Variants in FAT3 observed in about 807,000 individuals in gnomAD.
FAT3 encodes the protein FAT atypical cadherin 3.
A neutral mutation model predicts 310.2 loss-of-function variants in FAT3; 95 were observed. The ratio of observed to expected loss-of-function variants is 0.31; its 90% CI spans 0.26 to 0.36. The LOEUF (loss-of-function observed/expected upper bound fraction) is 0.36, where lower values mean the gene tolerates loss of function less well. Among genes scored for constraint, FAT3 ranks in the 10% least tolerant of loss-of-function variants. The probability of loss-of-function intolerance (pLI) is 1.00; values close to 1 mark genes in which losing one functional copy is unlikely to be tolerated. For synonymous variants in FAT3, 2,314 were observed against 2,192.9 expected (o/e 1.06, Z -1.54); for missense variants, 5,408 against 5,715.6 (o/e 0.95, Z 1.74).
Position 92,353,495 on chromosome 11 carries a change from C to T in FAT3, c.1383C>T (p.Ser461=). The T allele has an allele frequency of 6.2e-7, 1 of 1,613,416 alleles. No individual in the cohort carries two copies. Among genetic ancestry groups the T allele is most frequent in the Non-Finnish European group, 8.5e-7 (1 of 1,179,682 alleles). ...EGDLKAQVTI[S]IEDANDHTPE... Reference sequence around the variant, plus strand: ...ATTTAAAAGCACAGGTCACCATCAGCATAGAAGATGCAAATGACCACACCC... The same window carrying T: ...ATTTAAAAGCACAGGTCACCATCAGTATAGAAGATGCAAATGACCACACCC... The change falls in exon 2 of 28, where the codon AGC becomes AGT. Residue 461 remains serine, a synonymous_variant. Coordinates refer to ENST00000525166, the MANE Select transcript of FAT3 (RefSeq NM_001367949.2).
At chr11:92,368,851 C>CACAA (rs1949095990) in intron 2 of FAT3, among the ~76,000 whole-genome samples, 1 of 145,868 alleles carries the variant, frequency 6.9e-6, no homozygotes, top group African/African-American at 2.6e-5. Context: ...TATATATACA[C>CACAA]ACATACACAT....
intron 2 of FAT3, among the ~76,000 whole-genome samples, chr11:92,399,740 G>T (rs1415451765): frequency 1.3e-5 from 2 of 152,174 alleles, no homozygotes; most frequent in African/African-American, 4.8e-5. Flanking sequence ...AGTGGCAGTG[G>T]ATTAAGGGAG....
At chr11:92,791,522 C>G (rs1015153014) in intron 8 of FAT3, among the ~76,000 whole-genome samples, 5 of 152,202 alleles carry the variant, frequency 3.3e-5, no homozygotes, top group Non-Finnish European at 5.9e-5. Context: ...CTTTAACAAA[C>G]TCAGAAATCA....
In FAT3 at chr11:92,889,403, GAA is replaced by G. The variant is rs11318085; in HGVS notation, c.13111+166_13111+167del. ...ATTTATGGATCTGTTTTAAAATTTT[GAA>G]AAAAAAAAAACCCAGTTCATAATTT... On this transcript the variant is annotated intron_variant, in intron 26 of 27. Coordinates refer to ENST00000525166, the MANE Select transcript of FAT3 (RefSeq NM_001367949.2). Among the ~76,000 whole-genome samples, 1,124 of 143,288 alleles carry G rather than the reference GAA, an allele frequency of 7.8e-3. 14 individuals carry two copies. The highest frequency in any genetic ancestry group is 0.026 in the African/African-American group (1,023 of 39,776). The allele number at this position is 143,288 out of a possible 152,430, so 94.0% of individuals were successfully genotyped here. A position where few individuals can be genotyped will look rare whatever the true frequency, so the allele number is the denominator to read the frequency against.
chr11:92,619,613 T>G (rs1940987189), intron 3 of FAT3, among the ~76,000 whole-genome samples: 2 of 152,134 alleles, frequency 1.3e-5, no homozygotes, highest in Admixed American at 1.3e-4. Flanking sequence ...CTTCTAGGAT[T>G]TTTTTCATTT....
chr11:92,801,586 A>G lies in FAT3; in HGVS notation c.8573A>G (p.Gln2858Arg). Residue 2858 changes from glutamine (Q) to arginine (R), a missense_variant, in exon 10 of 28, where the codon CAG becomes CGG. By Grantham distance (43) the Gln-to-Arg change is conservative (BLOSUM62 1). Around this residue, in one of 5 missense-constraint regions of FAT3, gnomAD observed 4,588 missense variants for 4,809.8 expected, o/e 0.95. Transcript: ENST00000525166. ...QVTYSLHSDSQPEKVMEAFNI... is the reference protein window; with the variant it reads ...QVTYSLHSDSRPEKVMEAFNI... ...ACTTACTCCCTCCACTCGGATTCCC[A>G]GCCCGAAAAGGTAATGGAAGCATTC... 6.2e-7 allele frequency: 1 copy of G among 1,610,898 alleles called. No homozygotes were observed. The highest frequency in any genetic ancestry group is 8.5e-7 in the Non-Finnish European group (1 of 1,178,428).
chr11:92,757,339 T>C (rs1284088356), intron 4 of FAT3, among the ~76,000 whole-genome samples: 1 of 152,090 alleles, frequency 6.6e-6, no homozygotes, highest in African/African-American at 2.4e-5. Flanking sequence ...GAGCAGAAAA[T>C]CTAGGTGAGG....
At chr11:92,561,190 A>G (rs1293157983) in intron 3 of FAT3, among the ~76,000 whole-genome samples, 2 of 151,888 alleles carry the variant, frequency 1.3e-5, no homozygotes, top group African/African-American at 4.8e-5. Context: ...TGAATATAGC[A>G]TGGCTGATAC....
At position 92,353,849 on chromosome 11, in the gene FAT3, A is replaced by G. The variant is rs372561498; in HGVS notation, c.1737A>G (p.Glu579=). 4.3e-6 allele frequency: 7 copies of G among 1,613,654 alleles called. No homozygotes were observed. In the African/African-American group the frequency reaches 9.3e-5, roughly 22 times the overall value. ...TCAACGACAACAGCCCTCTCTTTGA[A>G]AAAGTGGCTTGCCAGGGAGTTATTT... ...GNVNDNSPLF[E]KVACQGVISY... is the part of the protein sequence containing the mutation. Residue 579 remains glutamate, a synonymous_variant, in exon 2 of 28, where the codon GAA becomes GAG. Transcript: ENST00000525166.
intron 3 of FAT3, among the ~76,000 whole-genome samples, chr11:92,651,125 TA>T (rs1461194186): frequency 8.5e-5 from 13 of 152,234 alleles, no homozygotes. Flanking sequence ...TCATCTCCTA[TA>T]GTTCCAGCAT....
At chr11:92,828,283 T>G (rs969236596) in intron 13 of FAT3, among the ~76,000 whole-genome samples, 1 of 152,108 alleles carries the variant, frequency 6.6e-6, no homozygotes, top group African/African-American at 2.4e-5. Flanking sequence ...CCAAATGCTA[T>G]CCCAAAAATA....
intron 1 of FAT3, among the ~76,000 whole-genome samples, chr11:92,276,425 C>G (rs1946273786): frequency 6.6e-6 from 1 of 152,102 alleles, no homozygotes. Flanking sequence ...TTTACTCACG[C>G]CAGGATCTTG....
intron 4 of FAT3, among the ~76,000 whole-genome samples, chr11:92,706,244 A>G (rs1944349322): frequency 6.6e-6 from 1 of 152,144 alleles, no homozygotes; most frequent in South Asian, 2.1e-4. Context: ...CAGATGTACC[A>G]CTTAAATTTC....
intron 7 of FAT3, among the ~76,000 whole-genome samples, chr11:92,779,340 A>G (rs1946678568): frequency 6.6e-6 from 1 of 152,132 alleles, no homozygotes; most frequent in Admixed American, 6.5e-5. Flanking sequence ...GATTCCTCAT[A>G]GAAATGGATA....
chr11:92,536,760 G>T (rs917808291), intron 3 of FAT3, among the ~76,000 whole-genome samples: 16 of 152,096 alleles, frequency 1.1e-4, no homozygotes, highest in African/African-American at 3.6e-4. Context: ...TATATATGTG[G>T]TTCTCTAAAT....
At chr11:92,397,719 C>T (rs1379416537) in intron 2 of FAT3, among the ~76,000 whole-genome samples, 1 of 152,034 alleles carries the variant, frequency 6.6e-6, no homozygotes, top group Admixed American at 6.6e-5. Flanking sequence ...CTTCCATCCC[C>T]CGCTTGCGAA....
At chr11:92,843,789 A>T in intron 18 of FAT3, 145 bp from the exon 19 acceptor site, 1 of 772,690 alleles carries the variant, frequency 1.3e-6, no homozygotes, top group South Asian at 1.8e-5. Context: ...TTAAACGCAC[A>T]TCCTCAGCAT....
intron 4 of FAT3, among the ~76,000 whole-genome samples, chr11:92,734,128 T>G (rs1001428138): frequency 1.3e-5 from 2 of 152,182 alleles, no homozygotes; most frequent in Non-Finnish European, 2.9e-5. Flanking sequence ...TTCAGAGGAG[T>G]ACATTACTGG....
chr11:92,629,321 C>G (rs1941459575), intron 3 of FAT3, among the ~76,000 whole-genome samples: 1 of 151,788 alleles, frequency 6.6e-6, no homozygotes, highest in Non-Finnish European at 1.5e-5. Flanking sequence ...GACATTTTAT[C>G]AAGCTCTTTC....
Sources: gnomAD v4.1 joint callset for allele counts (sites outside exome capture counted in the v4.1 genomes callset) on GRCh38, gnomAD v4.1.1 for gene constraint, gnomAD v4.1.1 regional missense constraint, MANE v1.5 for transcripts, NCBI Gene and HGNC (gene_info 2026-07-23, HGNC 2026-07-21) for gene names.